Variants in ZNRF3 observed in about 807,000 individuals in gnomAD.
The protein encoded by ZNRF3 is E3 ubiquitin-protein ligase ZNRF3.
Under a neutral mutation model 72.5 loss-of-function variants are expected in ZNRF3, and 23 were observed. The observed-to-expected ratio is 0.32, with a 90% confidence interval of 0.23 to 0.45. The LOEUF (loss-of-function observed/expected upper bound fraction) is 0.45, where lower values mean the gene tolerates loss of function less well. Ranked by LOEUF, ZNRF3 falls within the 20% of genes least tolerant of loss-of-function variation. The pLI is 1.00. For synonymous variants in ZNRF3, 610 were observed against 545.3 expected (o/e 1.12, Z -1.65); for missense variants, 1,169 against 1,272.1 (o/e 0.92, Z 1.23).
chr22:28,948,171 AT>A (rs1196911178), intron 1 of ZNRF3, among the ~76,000 whole-genome samples: 2 of 150,024 alleles, frequency 1.3e-5, no homozygotes, highest in South Asian at 2.1e-4. Flanking sequence ...TTAAAAAAAA[AT>A]TTTTTTAAAA....
intron 1 of ZNRF3, among the ~76,000 whole-genome samples, chr22:28,981,870 G>A (rs1308598016): frequency 2.0e-5 from 3 of 152,114 alleles, no homozygotes; most frequent in Non-Finnish European, 4.4e-5. Context: ...GGTGGCGGGC[G>A]CCTCTAATCC....
chr22:29,000,753 A>G (rs1351576654), intron 2 of ZNRF3, among the ~76,000 whole-genome samples: 2 of 152,186 alleles, frequency 1.3e-5, no homozygotes, highest in Non-Finnish European at 2.9e-5. Context: ...CAGGAAGCTT[A>G]CAATCACCAC....
chr22:29,003,754 T>G (rs936117059), intron 2 of ZNRF3, among the ~76,000 whole-genome samples: 14 of 151,994 alleles, frequency 9.2e-5, no homozygotes, highest in African/African-American at 3.4e-4. Context: ...GCGGGAGGCT[T>G]GAGCCTGGGA....
intron 2 of ZNRF3, among the ~76,000 whole-genome samples, chr22:29,032,938 G>T (rs2085731633): frequency 6.6e-6 from 1 of 152,234 alleles, no homozygotes; most frequent in African/African-American, 2.4e-5. Flanking sequence ...CCTGAACAGA[G>T]AGAGAAGCAG....
intron 1 of ZNRF3, among the ~76,000 whole-genome samples, chr22:28,886,203 C>CTT (rs1384035628): frequency 6.6e-6 from 1 of 152,182 alleles, no homozygotes; most frequent in Non-Finnish European, 1.5e-5. Flanking sequence ...GGCTAGCATG[C>CTT]TTTTATGAGT....
rs563757504 is a variant in ZNRF3 at position 28,890,361 on chromosome 22, G to T, written c.300+6295G>T. On this transcript the variant is annotated intron_variant, in intron 1 of 8. Transcript: ENST00000544604. Reference sequence around the variant, plus strand: ...CAAAAATATAAAAAATTAGCCGGGCGTGGTGGCGGGGGCCTGTAGTCCCAG... The same window carrying T: ...CAAAAATATAAAAAATTAGCCGGGCTTGGTGGCGGGGGCCTGTAGTCCCAG... Among the ~76,000 whole-genome samples the T allele has an allele frequency of 6.6e-5, 10 of 152,262 alleles. No individual in the cohort carries two copies. In the East Asian group the frequency reaches 1.2e-3, roughly 18 times the overall value.
At chr22:28,971,179 A>G (rs1016657972) in intron 1 of ZNRF3, among the ~76,000 whole-genome samples, 3 of 151,692 alleles carry the variant, frequency 2.0e-5, no homozygotes, top group Non-Finnish European at 4.4e-5. Flanking sequence ...ATAGAGCAAG[A>G]CCCTGTCTCT....
chr22:29,020,761 TTTTGTGTGTGTGTGGGTG>T (rs1378407329), intron 2 of ZNRF3, among the ~76,000 whole-genome samples: 35 of 42,980 alleles, frequency 8.1e-4, no homozygotes, highest in East Asian at 4.2e-3. Context: ...GGGGCTTTGT[TTTTGTGTGTGTGTGGGTG>T]TGTGTGTGTG....
intron 1 of ZNRF3, among the ~76,000 whole-genome samples, chr22:28,971,938 C>T (rs2035582814): frequency 6.6e-6 from 1 of 152,092 alleles, no homozygotes; most frequent in South Asian, 2.1e-4. Flanking sequence ...AAACTCCTGG[C>T]TTCAAGTGAT....
chr22:29,048,271 G>T lies in ZNRF3; in HGVS notation c.913-118G>T. 1.4e-6 allele frequency: 1 copy of T among 702,982 alleles called. No individual in the cohort carries two copies. The highest frequency in any genetic ancestry group is 2.4e-6 in the Non-Finnish European group (1 of 417,302). 43.5% of individuals were successfully genotyped at this position (702,982 alleles called of 1,614,324 possible). ...ATTGAGCCCTAATTGGAGGTGGGGAGGAGAGTAGGGAAGGGCACGGGCATG... is the reference window on the plus strand; with the variant it reads ...ATTGAGCCCTAATTGGAGGTGGGGATGAGAGTAGGGAAGGGCACGGGCATG... On this transcript the variant is annotated intron_variant, in intron 6 of 8. Coordinates refer to ENST00000544604, the MANE Select transcript of ZNRF3 (RefSeq NM_001206998.2). The surrounding 1 kb of genome is among the most constrained non-coding windows in gnomAD (Gnocchi z 4.9).
At chr22:28,942,543 G>A (rs2034966677) in intron 1 of ZNRF3, among the ~76,000 whole-genome samples, 2 of 152,274 alleles carry the variant, frequency 1.3e-5, no homozygotes, top group Middle Eastern at 3.4e-3. Flanking sequence ...GAGTGACCTC[G>A]GGCAAGTCTC....
intron 1 of ZNRF3, among the ~76,000 whole-genome samples, chr22:28,982,022 G>A (rs1042549023): frequency 1.3e-5 from 2 of 151,934 alleles, no homozygotes; most frequent in African/African-American, 4.8e-5. Context: ...CAACTGAGAG[G>A]ACTCTCACTT....
intron 1 of ZNRF3, among the ~76,000 whole-genome samples, chr22:28,884,677 C>A (rs1478052750): frequency 6.6e-6 from 1 of 152,128 alleles, no homozygotes; most frequent in Admixed American, 6.5e-5. Flanking sequence ...TGGAAGGCAG[C>A]CCTCGCTGCA....
chr22:28,910,217 T>C (rs1431631868), intron 1 of ZNRF3, among the ~76,000 whole-genome samples: 1 of 152,048 alleles, frequency 6.6e-6, no homozygotes, highest in Non-Finnish European at 1.5e-5. Context: ...TTGTGTGTGT[T>C]TTTAGTAGAG....
chr22:29,018,435 G>A (rs1184717916), intron 2 of ZNRF3: 1 of 186,976 alleles, frequency 5.3e-6, no homozygotes, highest in Non-Finnish European at 1.1e-5. Flanking sequence ...CTTTGACTTT[G>A]ATCAGGACTA....
intron 2 of ZNRF3, among the ~76,000 whole-genome samples, chr22:29,033,350 CAAAAAAA>C (rs60310622): frequency 1.5e-5 from 1 of 66,154 alleles, no homozygotes; most frequent in Non-Finnish European, 2.7e-5. Context: ...GACTCCATCT[CAAAAAAA>C]AAAAAAAAAA....
chr22:29,004,032 G>A (rs1201043311), intron 2 of ZNRF3, among the ~76,000 whole-genome samples: 1 of 152,232 alleles, frequency 6.6e-6, no homozygotes, highest in Non-Finnish European at 1.5e-5. Context: ...ACCCAACAAA[G>A]GTAAGAAAAG....
intron 1 of ZNRF3, among the ~76,000 whole-genome samples, chr22:28,945,592 C>T (rs901800133): frequency 6.6e-6 from 1 of 150,606 alleles, no homozygotes; most frequent in Middle Eastern, 3.2e-3. Context: ...TGCAGTGGTG[C>T]GATCTTGGCT....
At chr22:28,963,203 A>G (rs576113757) in intron 1 of ZNRF3, among the ~76,000 whole-genome samples, 35 of 152,226 alleles carry the variant, frequency 2.3e-4, no homozygotes, top group Non-Finnish European at 5.0e-4. Context: ...AGGAAACCCA[A>G]CACACAGAGT....
Sources: allele counts gnomAD v4.1 joint callset (sites outside exome capture counted in the v4.1 genomes callset), GRCh38; gene constraint gnomAD v4.1.1; non-coding constraint Gnocchi (gnomAD v3.1); transcripts MANE v1.5; gene names NCBI Gene and HGNC (gene_info 2026-07-23, HGNC 2026-07-21).